Variants in LRP1B observed in about 807,000 individuals in gnomAD.
The protein encoded by LRP1B is LDL receptor related protein 1B.
Under a neutral mutation model 556.6 loss-of-function variants are expected in LRP1B, and 217 were observed. That is an observed-to-expected ratio of 0.39 (90% CI 0.35 to 0.44). LRP1B has a LOEUF of 0.44. LRP1B is among the 20% of genes least tolerant of loss of function. The probability of loss-of-function intolerance (pLI) is 1.00; values close to 1 mark genes in which losing one functional copy is unlikely to be tolerated. For synonymous variants in LRP1B, 2,047 were observed against 1,865.8 expected (o/e 1.10, Z -2.50); for missense variants, 5,053 against 5,620.8 (o/e 0.90, Z 3.23).
intron 1 of LRP1B, among the ~76,000 whole-genome samples, chr2:141,841,935 A>AT (rs1697491281): frequency 6.6e-6 from 1 of 152,198 alleles, no homozygotes; most frequent in Non-Finnish European, 1.5e-5. Flanking sequence ...ATATATGCTC[A>AT]TTTTTGACAG....
intron 55 of LRP1B, among the ~76,000 whole-genome samples, chr2:140,496,276 C>G (rs1181890545): frequency 6.6e-6 from 1 of 151,788 alleles, no homozygotes; most frequent in African/African-American, 2.4e-5. Context: ...TACTTTTGTA[C>G]CAATCTAATA....
At chr2:140,395,598 T>G (rs1234132446) in intron 66 of LRP1B, among the ~76,000 whole-genome samples, 2 of 152,206 alleles carry the variant, frequency 1.3e-5, no homozygotes, top group Non-Finnish European at 2.9e-5. Context: ...CACTTCTGTT[T>G]TGTTTCTGAA....
intron 31 of LRP1B, among the ~76,000 whole-genome samples, chr2:140,837,157 T>C (rs80332865): frequency 0.067 from 10,202 of 152,266 alleles, 441 homozygotes; most frequent in East Asian, 0.17. Flanking sequence ...GATGTCTTGC[T>C]TCATAAATTT....
At chr2:140,797,809 A>C (rs533202374) in intron 32 of LRP1B, among the ~76,000 whole-genome samples, 2 of 152,312 alleles carry the variant, frequency 1.3e-5, no homozygotes, top group African/African-American at 4.8e-5. Flanking sequence ...AAAGAAAAAA[A>C]TAAGCCTCTC....
intron 66 of LRP1B, among the ~76,000 whole-genome samples, chr2:140,420,587 C>T (rs1446908321): frequency 4.6e-5 from 7 of 152,138 alleles, no homozygotes; most frequent in African/African-American, 1.7e-4. Context: ...TTGCAATATT[C>T]TACAACTTAA....
chr2:140,743,993 T>TAAAAAAAAAAAAAAAAAAAAAAAAA (rs1297190080), intron 35 of LRP1B, among the ~76,000 whole-genome samples: 1 of 7,162 alleles, frequency 1.4e-4, no homozygotes, highest in African/African-American at 3.2e-4. Flanking sequence ...AAAAAAAAAG[T>TAAAAAAAAAAAAAAAAAAAAAAAAA]AAAAAGTAAA....
chr2:140,395,632 G>A (rs527483959), intron 66 of LRP1B, among the ~76,000 whole-genome samples: 1 of 152,236 alleles, frequency 6.6e-6, no homozygotes, highest in Admixed American at 6.5e-5. Context: ...AAACTTTTAT[G>A]TTATTCTTCC....
At chr2:141,240,611 G>A (rs300367) in intron 5 of LRP1B, among the ~76,000 whole-genome samples, 17,459 of 151,842 alleles carry the variant, frequency 0.11, 1,096 homozygotes, top group South Asian at 0.17. Context: ...TGTAGAGGGT[G>A]ATATAATTTC....
At chr2:141,968,667 G>A (rs1701633057) in intron 1 of LRP1B, among the ~76,000 whole-genome samples, 1 of 151,752 alleles carries the variant, frequency 6.6e-6, no homozygotes, top group Non-Finnish European at 1.5e-5. Flanking sequence ...CAGTTGCAAA[G>A]AATATTATGT....
chr2:141,406,186 G>A (rs1690625879), intron 3 of LRP1B, among the ~76,000 whole-genome samples: 1 of 151,986 alleles, frequency 6.6e-6, no homozygotes. Flanking sequence ...TAATCACTGT[G>A]CAAAACGTCT....
intron 41 of LRP1B, among the ~76,000 whole-genome samples, chr2:140,607,673 G>C (rs1574137133): frequency 6.6e-6 from 1 of 150,848 alleles, no homozygotes; most frequent in Non-Finnish European, 1.5e-5. Context: ...ACGTGTGTGT[G>C]TATATATATA....
At chr2:141,527,499 A>G (rs1163984825) in intron 2 of LRP1B, among the ~76,000 whole-genome samples, 1 of 152,106 alleles carries the variant, frequency 6.6e-6, no homozygotes, top group Non-Finnish European at 1.5e-5. Flanking sequence ...GATTTATTAT[A>G]TCAAGCCATC....
chr2:140,526,698 CAA>C lies in LRP1B; in HGVS notation c.7763-350_7763-349del, dbSNP rs35329112. On this transcript the variant is annotated intron_variant, in intron 47 of 90. Coordinates refer to ENST00000389484, the MANE Select transcript of LRP1B (RefSeq NM_018557.3). ...TGGTAATATCACCCTAGCACTGAGC[CAA>C]AAAAAAAAAAAAAAGAATGTTGCTG... Among the ~76,000 whole-genome samples the C allele has an allele frequency of 1.5e-3, 202 of 136,252 alleles. 2 individuals are homozygous for C. Among genetic ancestry groups the C allele is most frequent in the African/African-American group, 4.3e-3 (160 of 37,154 alleles). The allele number at this position is 136,252 out of a possible 152,430, so 89.4% of individuals were successfully genotyped here. A position where few individuals can be genotyped will look rare whatever the true frequency, so the allele number is the denominator to read the frequency against.
intron 2 of LRP1B, among the ~76,000 whole-genome samples, chr2:141,651,151 A>C (rs767679769): frequency 6.6e-6 from 1 of 152,130 alleles, no homozygotes; most frequent in Non-Finnish European, 1.5e-5. Flanking sequence ...TATTTAATTT[A>C]TTGGGTTTTA....
In LRP1B at chr2:140,996,113, CT is replaced by C. The variant is rs199719398; in HGVS notation, c.2504-1979del. Among the ~76,000 whole-genome samples, 1,163 of 152,060 alleles carry C rather than the reference CT, an allele frequency of 7.6e-3. 18 individuals are homozygous for C. Among genetic ancestry groups the C allele is most frequent in the African/African-American group, 0.027 (1,133 of 41,524 alleles). Reference sequence around the variant, plus strand: ...CATGAATCTGAGGCTAACATGCTAGCTTGCAATCAGGGTAAAATCTTAGATT... The same window carrying C: ...CATGAATCTGAGGCTAACATGCTAGCTGCAATCAGGGTAAAATCTTAGATT... On this transcript the variant is annotated intron_variant, in intron 15 of 90. Transcript: ENST00000389484.
intron 66 of LRP1B, among the ~76,000 whole-genome samples, chr2:140,405,532 C>A (rs1684692501): frequency 6.6e-6 from 1 of 152,098 alleles, no homozygotes; most frequent in African/African-American, 2.4e-5. Flanking sequence ...GGAAACATTA[C>A]AACCAACACG....
chr2:141,827,288 C>T (rs1388501271), intron 1 of LRP1B, among the ~76,000 whole-genome samples: 1 of 152,112 alleles, frequency 6.6e-6, no homozygotes, highest in African/African-American at 2.4e-5. Context: ...AATATCTTTG[C>T]CCTTTTACTT....
chr2:140,653,663 G>T (rs1167859385), intron 41 of LRP1B, among the ~76,000 whole-genome samples: 1 of 151,916 alleles, frequency 6.6e-6, no homozygotes, highest in Non-Finnish European at 1.5e-5. Flanking sequence ...AGAAATAGGG[G>T]TAATTTATAT....
At chr2:141,851,740 G>T (rs1001445541) in intron 1 of LRP1B, among the ~76,000 whole-genome samples, 1 of 151,582 alleles carries the variant, frequency 6.6e-6, no homozygotes, top group Non-Finnish European at 1.5e-5. Context: ...TAACAATAAG[G>T]AATTGCTGTT....
Sources: allele counts gnomAD v4.1 joint callset (sites outside exome capture counted in the v4.1 genomes callset), GRCh38; gene constraint gnomAD v4.1.1; transcripts MANE v1.5; gene names NCBI Gene and HGNC (gene_info 2026-07-23, HGNC 2026-07-21).